Variants in NUP155 observed in about 807,000 individuals in gnomAD.
The protein encoded by NUP155 is nuclear pore complex protein Nup155.
A neutral mutation model predicts 180.4 loss-of-function variants in NUP155; 71 were observed. That is an observed-to-expected ratio of 0.39 (90% CI 0.33 to 0.48). The LOEUF is 0.48. Among genes scored for constraint, NUP155 ranks in the 20% least tolerant of loss-of-function variants. The pLI is 0.91. For missense variants in NUP155, 1,553 were observed against 1,648.9 expected, an observed-to-expected ratio of 0.94 and a Z score of 1.01; for synonymous variants, 582 against 559.5, an observed-to-expected ratio of 1.04 and a Z score of -0.57.
chr5:37,328,607 G>A (rs1276946044), intron 16 of NUP155, among the ~76,000 whole-genome samples, 187 bp from the exon 17 acceptor site: 3 of 152,052 alleles, frequency 2.0e-5, no homozygotes, highest in African/African-American at 7.2e-5. Context: ...GGGTTCAAGC[G>A]ATTCTCCCGT....
At chr5:37,356,647 AAAAG>A (rs1394331511) in intron 4 of NUP155, among the ~76,000 whole-genome samples, 4 of 152,240 alleles carry the variant, frequency 2.6e-5, no homozygotes, top group East Asian at 1.9e-4. Context: ...AACAGAAAAA[AAAAG>A]AAAGGTACAT....
intron 21 of NUP155, among the ~76,000 whole-genome samples, chr5:37,316,212 T>C (rs751805385): frequency 6.6e-6 from 1 of 152,164 alleles, no homozygotes; most frequent in Admixed American, 6.5e-5. Context: ...TGTGCACATA[T>C]GCACATATAC....
intron 12 of NUP155, 73 bp downstream of exon 12, chr5:37,337,745 T>A (rs1745430784): frequency 1.1e-6 from 1 of 870,184 alleles, no homozygotes; most frequent in East Asian, 2.5e-5. Context: ...CATCAGAAGA[T>A]AAAAGTTTCT....
chr5:37,349,120 TA>T (rs35705527), intron 8 of NUP155, 51 bp downstream of exon 8: 1 of 446,562 alleles, frequency 2.2e-6, no homozygotes, highest in Non-Finnish European at 3.9e-6. Context: ...TTGTCTTCCT[TA>T]AAAATAAGGA....
rs1197874238 is a variant in NUP155, at chr5:37,304,816, G to C, written c.3085C>G (p.Arg1029Gly). 1.2e-6 allele frequency: 2 copies of C among 1,613,640 alleles called. No homozygotes were observed. Among genetic ancestry groups the C allele is most frequent in the Admixed American group, 3.3e-5 (2 of 59,974 alleles). ...ATACTAAAGAGCTCATCCTTGGATC[G>C]CTGTGACAATTTAAGCATTTGTTCA... ...HFEQMLKLSQ[R>G]SKDELFSIAL... Residue 1029 changes from arginine to glycine, a missense_variant, in exon 27 of 35, where the codon CGA becomes GGA. Coordinates refer to ENST00000231498, the MANE Select transcript of NUP155 (RefSeq NM_153485.3).
intron 10 of NUP155, 143 bp from the exon 11 acceptor site, chr5:37,341,385 G>T: frequency 1.3e-6 from 1 of 753,068 alleles, no homozygotes; most frequent in Non-Finnish European, 2.2e-6. Flanking sequence ...TTTTGGAGAT[G>T]GAGTCTAGCT....
At chr5:37,343,061 ATTTTCTTTTTT>A (rs1484736326) in intron 9 of NUP155, among the ~76,000 whole-genome samples, 1 of 147,236 alleles carries the variant, frequency 6.8e-6, no homozygotes, top group Non-Finnish European at 1.5e-5. Context: ...ATATTTCCAT[ATTTTCTTTTTT>A]TTTTCTTTTT....
At chr5:37,299,304 G>C in intron 31 of NUP155, 144 bp downstream of exon 31, 1 of 888,212 alleles carries the variant, frequency 1.1e-6, no homozygotes, top group Non-Finnish European at 1.8e-6. Flanking sequence ...CCATACCCAG[G>C]TGACTTCCAC....
chr5:37,354,051 C>G (rs1746645786), intron 4 of NUP155, among the ~76,000 whole-genome samples: 1 of 152,164 alleles, frequency 6.6e-6, no homozygotes, highest in Non-Finnish European at 1.5e-5. Flanking sequence ...CTATAGTTAT[C>G]TACACAAGAA....
chr5:37,355,114 T>C (rs1254067161), intron 4 of NUP155, among the ~76,000 whole-genome samples: 1 of 151,828 alleles, frequency 6.6e-6, no homozygotes, highest in Non-Finnish European at 1.5e-5. Flanking sequence ...AAGTCTGTTT[T>C]TACTTAACTG....
chr5:37,295,511 GT>G (rs1429422133), intron 32 of NUP155, among the ~76,000 whole-genome samples: 1 of 148,164 alleles, frequency 6.7e-6, no homozygotes, highest in East Asian at 2.0e-4. Context: ...GCCGCCCATC[GT>G]CTGGGATGTG....
In NUP155 at chr5:37,288,293, A is replaced by G. The variant is rs1462829107; in HGVS notation, c.*3607T>C. The G allele has an allele frequency of 6.6e-6, 1 of 152,140 alleles. No homozygotes were observed. Among genetic ancestry groups the G allele is most frequent in the African/African-American group, 2.4e-5 (1 of 41,426 alleles). 9.4% of individuals were successfully genotyped at this position (152,140 alleles called of 1,614,324 possible). A position where few individuals can be genotyped will look rare whatever the true frequency, so the allele number is the denominator to read the frequency against. On this transcript the variant is annotated 3_prime_UTR_variant, in exon 35 of 35. Transcript: ENST00000231498. ...ACCATGGTCATAATTTTTCCGTCTC[A>G]TGAATAGGAGGAAAAATGACAGGAA...
rs748549112 is a variant in NUP155 at position 37,314,184 on chromosome 5, A to C, written c.2436+14T>G. 9 of 1,586,448 alleles carry C rather than the reference A, an allele frequency of 5.7e-6. No homozygotes were observed. Among genetic ancestry groups the C allele is most frequent in the Non-Finnish European group, 7.8e-6 (9 of 1,157,398 alleles). ...GTATTAATGGTATAATCATAAAAAA[A>C]TAAAAAAAATTACCTTCTGAAGTTC... is the stretch of plus-strand genomic sequence containing the variant. On this transcript the variant is annotated intron_variant, in intron 22 of 34. Coordinates refer to ENST00000231498, the MANE Select transcript of NUP155 (RefSeq NM_153485.3).
intron 21 of NUP155, among the ~76,000 whole-genome samples, chr5:37,317,328 A>G (rs1743956528): frequency 6.6e-6 from 1 of 151,932 alleles, no homozygotes; most frequent in Non-Finnish European, 1.5e-5. Flanking sequence ...GTCTCTTCTG[A>G]AAATACAAAA....
intron 32 of NUP155, among the ~76,000 whole-genome samples, chr5:37,296,001 GA>G (rs1262566833): frequency 1.6e-4 from 23 of 141,866 alleles, no homozygotes; most frequent in South Asian, 7.2e-4. Flanking sequence ...CGGGAGGGAG[GA>G]GGGGGGGGTC....
intron 32 of NUP155, among the ~76,000 whole-genome samples, chr5:37,296,326 G>A (rs1267887860): frequency 1.3e-5 from 2 of 152,082 alleles, no homozygotes; most frequent in African/African-American, 4.8e-5. Context: ...ATTTTGTTCT[G>A]TACTAAGAAA....
rs1257216667 is a variant in NUP155, at chr5:37,293,855, C to T, written c.3930+474G>A. Among the ~76,000 whole-genome samples the T allele has an allele frequency of 7.3e-5, 8 of 110,200 alleles. 2 individuals are homozygous for T. Among genetic ancestry groups the T allele is most frequent in the African/African-American group, 4.7e-4 (6 of 12,732 alleles). 72.3% of individuals were successfully genotyped at this position (110,200 alleles called of 152,430 possible). On this transcript the variant is annotated intron_variant, in intron 33 of 34. Coordinates refer to ENST00000231498, the MANE Select transcript of NUP155 (RefSeq NM_153485.3). ...TCTACTAAAAATACAAAAAATTAGC[C>T]GGGCGCGGTGGCGGGCGCCTGTAGT...
chr5:37,292,031 A>G lies in NUP155; in HGVS notation c.4045T>C (p.Phe1349Leu). The G allele has an allele frequency of 6.2e-7, 1 of 1,614,116 alleles. No homozygotes were observed. The highest frequency in any genetic ancestry group is 8.5e-7 in the Non-Finnish European group (1 of 1,179,964). The change falls in exon 35 of 35, where the codon TTT (phenylalanine) becomes CTT (leucine). Residue 1349 changes from phenylalanine to leucine, a missense_variant. Physicochemically the swap from Phe to Leu is conservative, Grantham distance 22 (BLOSUM62 0). Transcript: ENST00000231498. ...SQVLNCERRR[F>L]TNLCLDAVCG... ...ACAGCATCCAGGCAGAGATTTGTAA[A>G]TCTTCTCCTACAACGAAAAAGACAC...
chr5:37,365,708 G>A (rs1470616428), intron 1 of NUP155, among the ~76,000 whole-genome samples: 1 of 3,568 alleles, frequency 2.8e-4, no homozygotes, highest in Non-Finnish European at 1.7e-3. Flanking sequence ...ACTCTGTCTC[G>A]GGGAGAAAAA....
Sources: allele counts gnomAD v4.1 joint callset (sites outside exome capture counted in the v4.1 genomes callset), GRCh38; gene constraint gnomAD v4.1.1; transcripts MANE v1.5; gene names NCBI Gene and HGNC (gene_info 2026-07-23, HGNC 2026-07-21).